The following DARS1 variants were observed in gnomAD, a reference collection of about 807,000 sequenced individuals.
DARS1 encodes the protein aspartyl-tRNA synthetase 1.
In DARS1, 51 loss-of-function variants were observed where a neutral mutation model predicts 68.8. That is an observed-to-expected ratio of 0.74 (90% confidence interval 0.59 to 0.94). The LOEUF (loss-of-function observed/expected upper bound fraction) is 0.94, where lower values mean the gene tolerates loss of function less well. Ranked by LOEUF, DARS1 falls within the 40% of genes least tolerant of loss-of-function variation. The pLI, the probability that DARS1 is intolerant of heterozygous loss-of-function variation, is 0.00. For missense variants in DARS1, 607 were observed against 597.3 expected, an observed-to-expected ratio of 1.02 and a Z score of -0.17; for synonymous variants, 203 against 190.4, an observed-to-expected ratio of 1.07 and a Z score of -0.55.
intron 4 of DARS1, among the ~76,000 whole-genome samples, chr2:135,955,129 T>C (rs1276180457): frequency 2.0e-5 from 3 of 150,810 alleles, no homozygotes; most frequent in Non-Finnish European, 4.4e-5. Flanking sequence ...ACTATTTCCA[T>C]TTATTACCAC....
At chr2:135,936,626 G>A (rs1262484723) in intron 5 of DARS1, among the ~76,000 whole-genome samples, 5 of 152,040 alleles carry the variant, frequency 3.3e-5, no homozygotes, top group African/African-American at 1.2e-4. Context: ...TATCTTTCTT[G>A]GTCAACATAA....
At chr2:135,923,314 G>C (rs1681146148) in intron 8 of DARS1, among the ~76,000 whole-genome samples, 1 of 151,692 alleles carries the variant, frequency 6.6e-6, no homozygotes, top group Non-Finnish European at 1.5e-5. Flanking sequence ...TTTTGAGATG[G>C]AGTCTTGCTC....
At chr2:135,945,933 A>AT (rs1478680435) in intron 4 of DARS1, among the ~76,000 whole-genome samples, 1 of 152,222 alleles carries the variant, frequency 6.6e-6, no homozygotes, top group Non-Finnish European at 1.5e-5. Context: ...CTATTTAGAC[A>AT]TTAGTAAAAC....
At chr2:135,912,906 G>A (rs1401286978) in intron 12 of DARS1, among the ~76,000 whole-genome samples, 2 of 151,220 alleles carry the variant, frequency 1.3e-5, no homozygotes, top group Admixed American at 6.6e-5. Context: ...AAAATTTTTT[G>A]TAGAGATGGA....
intron 4 of DARS1, among the ~76,000 whole-genome samples, chr2:135,960,302 G>C (rs1051921948): frequency 6.6e-6 from 1 of 152,094 alleles, no homozygotes; most frequent in Non-Finnish European, 1.5e-5. Context: ...TCTTAAATCC[G>C]AGTGCAGGTA....
At position 135,924,429 on chromosome 2, in the gene DARS1, T is replaced by G; in HGVS notation, c.634A>C (p.Asn212His). 1 of 1,607,224 alleles carries G rather than the reference T, an allele frequency of 6.2e-7. No individual in the cohort carries two copies. The highest frequency in any genetic ancestry group is 8.5e-7 in the Non-Finnish European group (1 of 1,178,268). Residue 212 changes from asparagine (N) to histidine (H), a missense_variant, in exon 8 of 16, where the codon AAC becomes CAC. Transcript: ENST00000264161. Reference protein sequence around the residue: ...ICHLFRETLINKGFVEIQTPK... With the variant: ...ICHLFRETLIHKGFVEIQTPK... ...GTTTGGATTTCCACAAAACCTTTGTTAATTAAAGTTTCTCGGAAGAGATGG... is the reference window on the plus strand; with the variant it reads ...GTTTGGATTTCCACAAAACCTTTGTGAATTAAAGTTTCTCGGAAGAGATGG...
In DARS1 at chr2:135,985,488, G is replaced by C. The variant is rs772247016; in HGVS notation, c.-20C>G. On this transcript the variant is annotated 5_prime_UTR_variant, in exon 1 of 16. Coordinates refer to ENST00000264161, the MANE Select transcript of DARS1 (RefSeq NM_001349.4). ...GGGCATCGGGACACGGAACTGGGCAGTGGACACCACCCTCCCTCGCAGGCT... is the reference window on the plus strand; with the variant it reads ...GGGCATCGGGACACGGAACTGGGCACTGGACACCACCCTCCCTCGCAGGCT... 3.7e-6 allele frequency: 6 copies of C among 1,613,880 alleles called. No homozygotes were observed. Among genetic ancestry groups the C allele is most frequent in the Middle Eastern group, 1.6e-4 (1 of 6,084 alleles).
rs140421410 is a variant in DARS1, at chr2:135,935,267, G to A, written c.424-1277C>T. On this transcript the variant is annotated intron_variant, in intron 5 of 15. Transcript: ENST00000264161. ...TCATTTCCTGCCAGTCTCCTGGTTA[G>A]GAAATGCCCTAGAGGATGTTCCTTT... 3.2e-4 allele frequency among the ~76,000 whole-genome samples: 49 copies of A among 152,158 alleles called. 1 individual carries two copies. In the Middle Eastern group the frequency reaches 0.01, roughly 32 times the overall value.
At chr2:135,924,236 C>A in intron 8 of DARS1, 151 bp downstream of exon 8, 1 of 740,560 alleles carries the variant, frequency 1.4e-6, no homozygotes, top group Non-Finnish European at 2.0e-6. Context: ...ATGATTGTTG[C>A]TATATAAGAT....
rs867757108 is a variant in DARS1 at position 135,965,431 on chromosome 2, A to G, written c.218-3933T>C. Among the ~76,000 whole-genome samples the G allele has an allele frequency of 2.2e-3, 338 of 152,274 alleles. 1 individual carries two copies. The highest frequency in any genetic ancestry group is 7.9e-3 in the African/African-American group (329 of 41,536). On this transcript the variant is annotated intron_variant, in intron 3 of 15. Coordinates refer to ENST00000264161, the MANE Select transcript of DARS1 (RefSeq NM_001349.4). ...AAAACAGATAATCTGAAGGAACAAGAAAAAAACCATAGTAAGTAAATACCG... is the reference window on the plus strand; with the variant it reads ...AAAACAGATAATCTGAAGGAACAAGGAAAAAACCATAGTAAGTAAATACCG...
In DARS1 at chr2:135,965,797, G is replaced by A. The variant is rs562659821; in HGVS notation, c.218-4299C>T. On this transcript the variant is annotated intron_variant, in intron 3 of 15. Coordinates refer to ENST00000264161, the MANE Select transcript of DARS1 (RefSeq NM_001349.4). ...ATGCTATGGTCCTCAAGCTTTCTAC[G>A]TTCAAAGCACTTTAAAATACAAGAA... Among the ~76,000 whole-genome samples the A allele has an allele frequency of 8.5e-5, 13 of 152,280 alleles. No homozygotes were observed. In the South Asian group the frequency reaches 2.5e-3, roughly 29 times the overall value.
intron 10 of DARS1, among the ~76,000 whole-genome samples, chr2:135,918,181 A>G (rs1158944231): frequency 6.6e-6 from 1 of 152,194 alleles, no homozygotes; most frequent in Non-Finnish European, 1.5e-5. Context: ...AGCCTCCCAA[A>G]GTGCTGGGAT....
Position 135,946,046 on chromosome 2 carries a change from A to G in DARS1, c.321-2566T>C, listed in dbSNP as rs1681713153. 1.3e-5 allele frequency among the ~76,000 whole-genome samples: 2 copies of G among 152,212 alleles called. 1 individual carries two copies. The highest frequency in any genetic ancestry group is 4.1e-4 in the South Asian group (2 of 4,832). On this transcript the variant is annotated intron_variant, in intron 4 of 15. Transcript: ENST00000264161. Reference sequence around the variant, plus strand: ...TGTAGACATGAGTGAATTCAGAAGAAAAAACATTAAAATCAAAAAGGTTCC... The same window carrying G: ...TGTAGACATGAGTGAATTCAGAAGAGAAAACATTAAAATCAAAAAGGTTCC...
chr2:135,915,122 C>G (rs1680978003), intron 11 of DARS1, among the ~76,000 whole-genome samples: 2 of 151,400 alleles, frequency 1.3e-5, no homozygotes, highest in African/African-American at 4.9e-5. Flanking sequence ...TTTTGTTAAA[C>G]AAAAATAAAG....
intron 5 of DARS1, among the ~76,000 whole-genome samples, chr2:135,937,693 C>A (rs1459731435): frequency 6.6e-6 from 1 of 152,128 alleles, no homozygotes; most frequent in East Asian, 1.9e-4. Context: ...CTGGTGGTGA[C>A]AAAATCTCTC....
At chr2:135,933,882 CATA>C (rs1681406698) in intron 6 of DARS1, 25 bp downstream of exon 6, 4 of 1,603,812 alleles carry the variant, frequency 2.5e-6, no homozygotes, top group East Asian at 4.5e-5. Flanking sequence ...ACAGCGGAAG[CATA>C]ATATTTCATA....
intron 3 of DARS1, among the ~76,000 whole-genome samples, chr2:135,969,791 C>T (rs1682325857): frequency 6.6e-6 from 1 of 152,154 alleles, no homozygotes; most frequent in Non-Finnish European, 1.5e-5. Flanking sequence ...TTAGGGCATA[C>T]TGAATCATTG....
In DARS1 at chr2:135,953,471, G is replaced by C. The variant is rs776843011; in HGVS notation, c.320+7925C>G. ...AGTGACTTTGTGCCTTACTTCTCAA[G>C]AGAGTGATACAAAGGTGCAAAACGT... On this transcript the variant is annotated intron_variant, in intron 4 of 15. Transcript: ENST00000264161. Among the ~76,000 whole-genome samples the C allele has an allele frequency of 3.3e-5, 5 of 152,146 alleles. No homozygotes were observed. The East Asian group carries it at 9.6e-4, about 29-fold the overall frequency.
rs1680796972 is a variant in DARS1 at position 135,907,096 on chromosome 2, A to G, written c.*220T>C. 6.3e-6 allele frequency: 2 copies of G among 319,958 alleles called. No individual in the cohort carries two copies. Among genetic ancestry groups the G allele is most frequent in the Non-Finnish European group, 1.1e-5 (2 of 174,614 alleles). The allele number at this position is 319,958 out of a possible 1,614,324, so 19.8% of individuals were successfully genotyped here. ...CTGATGCATGTCTGAAGTTATAAAA[A>G]TCTCTTTTAAACGAACCTATACTGA... is the stretch of plus-strand genomic sequence containing the variant. On this transcript the variant is annotated 3_prime_UTR_variant, in exon 16 of 16. Transcript: ENST00000264161.
Sources: allele counts gnomAD v4.1 joint callset (sites outside exome capture counted in the v4.1 genomes callset), GRCh38; gene constraint gnomAD v4.1.1; transcripts MANE v1.5; gene names NCBI Gene and HGNC (gene_info 2026-07-23, HGNC 2026-07-21).